EPB41L5: variants seen among roughly 807,000 people sequenced by gnomAD.
The protein encoded by EPB41L5 is erythrocyte membrane protein band 4.1 like 5.
EPB41L5 carries 55 observed loss-of-function variants against 106.6 expected under a neutral mutation model. The observed-to-expected ratio is 0.52, with a 90% CI of 0.42 to 0.65. The LOEUF (loss-of-function observed/expected upper bound fraction) is 0.65. Ranked by LOEUF, EPB41L5 falls within the 30% of genes least tolerant of loss-of-function variation. EPB41L5 has a pLI of 0.00. For synonymous variants in EPB41L5, 297 were observed against 306.7 expected (o/e 0.97, Z 0.33); for missense variants, 871 against 882.1 (o/e 0.99, Z 0.16).
intron 3 of EPB41L5, among the ~76,000 whole-genome samples, chr2:120,057,703 T>A (rs184675097): frequency 3.0e-3 from 451 of 151,646 alleles, no homozygotes; most frequent in South Asian, 8.4e-3. Flanking sequence ...ACAGATATTT[T>A]TATGGTAATA....
chr2:120,015,907 TAAAAAAAAAAAAA>T (rs35254844), intron 1 of EPB41L5, among the ~76,000 whole-genome samples: 1 of 120,730 alleles, frequency 8.3e-6, no homozygotes, highest in Non-Finnish European at 1.7e-5. Flanking sequence ...AGACTGTCTC[TAAAAAAAAAAAAA>T]AAAAAACATA....
At chr2:120,108,374 ATTTGT>A (rs1558882216) in intron 16 of EPB41L5, 4 of 152,084 alleles carry the variant, frequency 2.6e-5, no homozygotes, top group African/African-American at 9.7e-5. Context: ...AGGAAGTTTT[ATTTGT>A]TTTGTTTTTA....
intron 17 of EPB41L5, among the ~76,000 whole-genome samples, chr2:120,128,290 C>T (rs1384200125): frequency 6.6e-6 from 1 of 151,652 alleles, no homozygotes; most frequent in Non-Finnish European, 1.5e-5. Flanking sequence ...CACACACACA[C>T]ATTTTTGAAG....
At chr2:120,042,211 T>C (rs1413970148) in intron 3 of EPB41L5, 101 bp downstream of exon 3, 8 of 851,626 alleles carry the variant, frequency 9.4e-6, no homozygotes, top group East Asian at 7.9e-5. Flanking sequence ...TGATGTGTTA[T>C]TGTGATATAA....
intron 3 of EPB41L5, among the ~76,000 whole-genome samples, chr2:120,050,819 C>T (rs1245169993): frequency 2.6e-5 from 4 of 152,104 alleles, no homozygotes; most frequent in East Asian, 1.9e-4. Flanking sequence ...ATGATGGTGA[C>T]ATACAGATGG....
At chr2:120,088,249 T>TGCA (rs1401443917) in intron 11 of EPB41L5, among the ~76,000 whole-genome samples, 3 of 152,200 alleles carry the variant, frequency 2.0e-5, no homozygotes, top group African/African-American at 7.2e-5. Flanking sequence ...TGGGATACTA[T>TGCA]GCAGCCATAA....
chr2:120,041,979 G>T, intron 2 of EPB41L5, 27 bp from the exon 3 acceptor site: 1 of 1,534,054 alleles, frequency 6.5e-7, no homozygotes, highest in South Asian at 1.1e-5. Flanking sequence ...ACCACTTATT[G>T]ATTTACTTAT....
At chr2:120,106,341 A>G (rs983334871) in intron 16 of EPB41L5, 8 of 985,314 alleles carry the variant, frequency 8.1e-6, no homozygotes, top group Admixed American at 6.1e-5. Flanking sequence ...TCAGAATTTC[A>G]TATCAAATAT....
chr2:120,029,074 G>A (rs892845128), intron 2 of EPB41L5, among the ~76,000 whole-genome samples: 2 of 152,196 alleles, frequency 1.3e-5, no homozygotes, highest in Non-Finnish European at 2.9e-5. Flanking sequence ...GAAGGAAGGA[G>A]ATAGCACGGC....
chr2:120,085,118 C>G (rs770123984), intron 10 of EPB41L5, among the ~76,000 whole-genome samples: 1 of 152,126 alleles, frequency 6.6e-6, no homozygotes, highest in East Asian at 1.9e-4. Flanking sequence ...AGCCTTCTCT[C>G]AACTCGTCAA....
intron 20 of EPB41L5, 121 bp downstream of exon 20, chr2:120,146,410 CTATTG>C: frequency 1.5e-6 from 1 of 675,738 alleles, no homozygotes; most frequent in Non-Finnish European, 2.6e-6. Flanking sequence ...TGAATTCACT[CTATTG>C]TATCCATTAC....
chr2:120,089,128 G>T (rs940978513), intron 11 of EPB41L5, among the ~76,000 whole-genome samples: 1 of 151,992 alleles, frequency 6.6e-6, no homozygotes, highest in Middle Eastern at 3.2e-3. Flanking sequence ...TCAAATCAGG[G>T]TAATTAGCGT....
chr2:120,067,342 G>C (rs1681512406), intron 3 of EPB41L5, among the ~76,000 whole-genome samples: 1 of 152,182 alleles, frequency 6.6e-6, no homozygotes, highest in Admixed American at 6.5e-5. Flanking sequence ...GTGCAGCTTT[G>C]TTTACCCACT....
At chr2:120,108,516 A>T (rs1382235198) in intron 16 of EPB41L5, 1 of 152,204 alleles carries the variant, frequency 6.6e-6, no homozygotes, top group African/African-American at 2.4e-5. Context: ...AAAATATTTT[A>T]AATTATTAGG....
intron 1 of EPB41L5, among the ~76,000 whole-genome samples, chr2:120,016,913 T>C (rs137900426): frequency 8.5e-5 from 13 of 152,316 alleles, no homozygotes; most frequent in African/African-American, 2.6e-4. Context: ...AGGTATTATA[T>C]ATGAGTGTTT....
intron 20 of EPB41L5, among the ~76,000 whole-genome samples, chr2:120,154,123 G>C (rs541229103): frequency 1.3e-5 from 2 of 148,166 alleles, no homozygotes; most frequent in Non-Finnish European, 1.5e-5. Flanking sequence ...CATACCCCTT[G>C]ATTTCCTTTG....
At position 120,177,580 on chromosome 2, in the gene EPB41L5, G is replaced by A. The variant is rs1687964708; in HGVS notation, c.*2673G>A. The A allele has an allele frequency of 6.6e-6, 1 of 152,198 alleles. No homozygotes were observed. The allele number at this position is 152,198 out of a possible 1,614,324, so 9.4% of individuals were successfully genotyped here. ...TGCCTGAGAACTTGTAAATTAATCA[G>A]TGAGACCTAATTTGTGACATGTCAG... is the stretch of plus-strand genomic sequence containing the variant. On this transcript the variant is annotated 3_prime_UTR_variant, in exon 25 of 25. Transcript: ENST00000263713.
chr2:120,068,908 A>C (rs901131823), intron 3 of EPB41L5, among the ~76,000 whole-genome samples: 3 of 151,830 alleles, frequency 2.0e-5, no homozygotes, highest in Non-Finnish European at 2.9e-5. Context: ...CGGGTGGTTC[A>C]CCGGAGGCTG....
chr2:120,056,460 G>A (rs1198589884), intron 3 of EPB41L5, among the ~76,000 whole-genome samples: 4 of 151,858 alleles, frequency 2.6e-5, no homozygotes, highest in Admixed American at 6.6e-5. Context: ...CACTGTGCCC[G>A]GCTAGTTTTT....
Sources: gnomAD v4.1 joint callset for allele counts (sites outside exome capture counted in the v4.1 genomes callset) on GRCh38, gnomAD v4.1.1 for gene constraint, MANE v1.5 for transcripts, NCBI Gene and HGNC (gene_info 2026-07-23, HGNC 2026-07-21) for gene names.